The following NDUFAF6 variants were observed in gnomAD, a reference collection of about 807,000 sequenced individuals.
The protein encoded by NDUFAF6 is NADH dehydrogenase (ubiquinone) complex I, assembly factor 6.
In NDUFAF6, 45 loss-of-function variants were observed where a neutral mutation model predicts 40.8. The observed-to-expected ratio is 1.10, with a 90% confidence interval of 0.87 to 1.42. NDUFAF6 has a LOEUF of 1.42. Among genes scored for constraint, NDUFAF6 ranks in the 40% most tolerant of loss-of-function variants. The pLI is 0.00. For synonymous variants in NDUFAF6, 185 were observed against 155.9 expected, an observed-to-expected ratio of 1.19 and a Z score of -1.39; for missense variants, 435 against 418.5, an observed-to-expected ratio of 1.04 and a Z score of -0.34.
intron 5 of NDUFAF6, among the ~76,000 whole-genome samples, chr8:95,046,218 G>A (rs1338913853): frequency 6.6e-6 from 1 of 151,954 alleles, no homozygotes; most frequent in Admixed American, 6.6e-5. Context: ...GTGCCACCAC[G>A]CCCAGCTAAA....
At chr8:94,992,763 C>G (rs762438294) in intron 2 of NDUFAF6, among the ~76,000 whole-genome samples, 1 of 152,144 alleles carries the variant, frequency 6.6e-6, no homozygotes, top group Non-Finnish European at 1.5e-5. Flanking sequence ...TCTTTTGGTT[C>G]GCTCATAATT....
intron 2 of NDUFAF6, among the ~76,000 whole-genome samples, chr8:94,993,630 A>G (rs1233560992): frequency 6.6e-6 from 1 of 152,218 alleles, no homozygotes; most frequent in Non-Finnish European, 1.5e-5. Context: ...ACAGCCATCA[A>G]TCAGCACTGA....
chr8:95,054,340 C>T (rs956098583), intron 8 of NDUFAF6, among the ~76,000 whole-genome samples: 2 of 152,022 alleles, frequency 1.3e-5, no homozygotes, highest in African/African-American at 4.8e-5. Context: ...CAATATCTAC[C>T]TCACTGGGGA....
chr8:94,908,181 C>T (rs747730103), intron 1 of NDUFAF6, among the ~76,000 whole-genome samples: 1 of 152,196 alleles, frequency 6.6e-6, no homozygotes, highest in Non-Finnish European at 1.5e-5. Flanking sequence ...CAGTACCTCG[C>T]ATTGTGCCTG....
rs1280613043 is a variant in NDUFAF6, at chr8:95,048,517, A to G, written c.775A>G (p.Ile259Val). 1 of 1,614,076 alleles carries G rather than the reference A, an allele frequency of 6.2e-7. No individual in the cohort carries two copies. Among genetic ancestry groups the G allele is most frequent in the Non-Finnish European group, 8.5e-7 (1 of 1,180,040 alleles). Residue 259 changes from isoleucine to valine, a missense_variant, in exon 7 of 9, where the codon ATA becomes GTA. By Grantham distance (29) the Ile-to-Val change is conservative (BLOSUM62 3). Transcript: ENST00000396124. ...CCAAGATAAAAATGTGAGAGATGTA[A>G]TATATGACATTGCCAGTCAAGCACA... Reference protein sequence around the residue: ...RNQDKNVRDVIYDIASQAHLH... With the variant: ...RNQDKNVRDVVYDIASQAHLH...
chr8:95,106,430 T>C (rs1281538036), downstream of NDUFAF6, among the ~76,000 whole-genome samples: 1 of 152,172 alleles, frequency 6.6e-6, no homozygotes, highest in Non-Finnish European at 1.5e-5. Flanking sequence ...GCTAGCCATA[T>C]GCAGAAAACT....
chr8:95,080,144 TATTTTTTGTAGTG>T (rs1332176939), downstream of NDUFAF6, among the ~76,000 whole-genome samples: 3 of 140,994 alleles, frequency 2.1e-5, no homozygotes, highest in Non-Finnish European at 4.6e-5. Flanking sequence ...TTTTGTAGTG[TATTTTTTGTAGTG>T]ATTTTTTGTA....
At chr8:95,015,871 A>C (rs1827422382) in intron 2 of NDUFAF6, among the ~76,000 whole-genome samples, 1 of 152,234 alleles carries the variant, frequency 6.6e-6, no homozygotes, top group Non-Finnish European at 1.5e-5. Flanking sequence ...ATTTAAGAAG[A>C]GTGCTAAGGG....
At chr8:95,084,071 A>G (rs922372700) in intron 2 of NDUFAF6, among the ~76,000 whole-genome samples, 9 of 152,180 alleles carry the variant, frequency 5.9e-5, no homozygotes, top group Non-Finnish European at 1.3e-4. Context: ...AGTTTGATAA[A>G]TCAATCTGGT....
chr8:95,063,802 C>T (rs1471592151), intron 9 of NDUFAF6, among the ~76,000 whole-genome samples: 1 of 151,656 alleles, frequency 6.6e-6, no homozygotes. Flanking sequence ...TTATGGGTGT[C>T]ACAAGGATTC....
At chr8:94,948,614 G>C (rs1037064074) in intron 2 of NDUFAF6, among the ~76,000 whole-genome samples, 1 of 152,166 alleles carries the variant, frequency 6.6e-6, no homozygotes, top group Non-Finnish European at 1.5e-5. Flanking sequence ...CGCAGGGGAC[G>C]GGATCGCAGG....
chr8:95,091,265 A>C (rs1433702219), intron 2 of NDUFAF6, among the ~76,000 whole-genome samples: 1 of 152,140 alleles, frequency 6.6e-6, no homozygotes, highest in African/African-American at 2.4e-5. Flanking sequence ...ACTTACAATC[A>C]TGGTGGAAGG....
At chr8:95,090,590 G>A (rs565478752) in intron 2 of NDUFAF6, among the ~76,000 whole-genome samples, 25 of 152,244 alleles carry the variant, frequency 1.6e-4, no homozygotes, top group African/African-American at 4.1e-4. Flanking sequence ...TCTCCCCGCC[G>A]TTTCTTACTG....
intron 3 of NDUFAF6, among the ~76,000 whole-genome samples, chr8:95,039,822 A>G (rs2599714): frequency 0.75 from 112,827 of 151,426 alleles, 42,679 homozygotes; most frequent in East Asian, 0.94. Context: ...TGAGGTTGCT[A>G]TGTTGCCCAG....
At chr8:95,005,947 G>T (rs1032331064) in intron 2 of NDUFAF6, among the ~76,000 whole-genome samples, 1 of 152,066 alleles carries the variant, frequency 6.6e-6, no homozygotes, top group South Asian at 2.1e-4. Context: ...TCCCTTTCAA[G>T]ATATTTTTAA....
intron 2 of NDUFAF6, among the ~76,000 whole-genome samples, chr8:94,952,954 C>T (rs920618161): frequency 6.6e-6 from 1 of 152,210 alleles, no homozygotes; most frequent in Non-Finnish European, 1.5e-5. Flanking sequence ...AACTAATGAT[C>T]GCTTCAGGCC....
intron 1 of NDUFAF6, among the ~76,000 whole-genome samples, chr8:94,904,320 C>CTTTTT (rs57749627): frequency 5.9e-5 from 2 of 34,138 alleles, no homozygotes; most frequent in Non-Finnish European, 1.0e-4. Flanking sequence ...ATTTTTTTTG[C>CTTTTT]TTTTTTTTTT....
At chr8:95,092,242 C>T (rs1204627616) in intron 2 of NDUFAF6, among the ~76,000 whole-genome samples, 11 of 149,776 alleles carry the variant, frequency 7.3e-5, no homozygotes, top group Admixed American at 6.7e-4. Context: ...AGTGCAAAGG[C>T]ATAATCTTGG....
chr8:94,906,315 G>T (rs1272174661), intron 1 of NDUFAF6, among the ~76,000 whole-genome samples: 1 of 152,092 alleles, frequency 6.6e-6, no homozygotes, highest in African/African-American at 2.4e-5. Context: ...CCCTTTCCCT[G>T]TGTCCCTGCT....
Sources: gnomAD v4.1 joint callset for allele counts (sites outside exome capture counted in the v4.1 genomes callset) on GRCh38, gnomAD v4.1.1 for gene constraint, MANE v1.5 for transcripts, NCBI Gene and HGNC (gene_info 2026-07-23, HGNC 2026-07-21) for gene names.